Variants in SNTG2 observed in about 807,000 individuals in gnomAD.
SNTG2 encodes gamma-2-syntrophin.
A neutral mutation model predicts 70.9 loss-of-function variants in SNTG2; 74 were observed. The observed-to-expected ratio is 1.04, with a 90% CI of 0.86 to 1.27. The LOEUF is 1.27. Ranked by LOEUF, SNTG2 falls within the 50% of genes most tolerant of loss-of-function variation. The pLI, the probability that SNTG2 is intolerant of heterozygous loss-of-function variation, is 0.00. For missense variants in SNTG2, 717 were observed against 690.7 expected (o/e 1.04, Z -0.43); for synonymous variants, 278 against 273.8 (o/e 1.02, Z -0.15).
At chr2:988,639 G>A (rs1447261865) in intron 1 of SNTG2, among the ~76,000 whole-genome samples, 2 of 152,116 alleles carry the variant, frequency 1.3e-5, no homozygotes, top group African/African-American at 2.4e-5. Context: ...ATACGTGGAC[G>A]CTATAGACAC....
chr2:1,143,892 C>CCA (rs1553338047), intron 6 of SNTG2, among the ~76,000 whole-genome samples: 1 of 144,672 alleles, frequency 6.9e-6, no homozygotes, highest in African/African-American at 2.7e-5. Context: ...ACAACCCCCC[C>CCA]CCAGAAAAAG....
chr2:1,065,762 A>C (rs1413882772), intron 1 of SNTG2, among the ~76,000 whole-genome samples: 1 of 152,214 alleles, frequency 6.6e-6, no homozygotes, highest in Non-Finnish European at 1.5e-5. Context: ...GCCATATTAA[A>C]TAGATATTCT....
intron 15 of SNTG2, among the ~76,000 whole-genome samples, chr2:1,314,646 C>T (rs1681183886): frequency 6.6e-6 from 1 of 152,230 alleles, no homozygotes; most frequent in Admixed American, 6.5e-5. Flanking sequence ...GATACACATG[C>T]TTCACTTCTG....
At chr2:1,084,644 G>A (rs1408549148) in intron 2 of SNTG2, among the ~76,000 whole-genome samples, 1 of 152,178 alleles carries the variant, frequency 6.6e-6, no homozygotes, top group South Asian at 2.1e-4. Context: ...TTGAGTTGCT[G>A]TAACAAAATC....
At chr2:977,736 C>T (rs1009164538) in intron 1 of SNTG2, among the ~76,000 whole-genome samples, 10 of 152,102 alleles carry the variant, frequency 6.6e-5, no homozygotes, top group East Asian at 1.9e-4. Flanking sequence ...TAGACCTTAC[C>T]GAGATCAGGA....
At chr2:1,048,540 C>T (rs778467784) in intron 1 of SNTG2, among the ~76,000 whole-genome samples, 16 of 151,994 alleles carry the variant, frequency 1.1e-4, no homozygotes, top group South Asian at 2.1e-4. Context: ...ATATTGTATT[C>T]GCTGTGTGAG....
intron 10 of SNTG2, among the ~76,000 whole-genome samples, chr2:1,238,328 A>G (rs1676823339): frequency 6.6e-6 from 1 of 152,092 alleles, no homozygotes; most frequent in African/African-American, 2.4e-5. Context: ...AGAAATAGTT[A>G]TATGTCATAA....
At chr2:1,004,771 A>G (rs1047658731) in intron 1 of SNTG2, among the ~76,000 whole-genome samples, 4 of 152,236 alleles carry the variant, frequency 2.6e-5, no homozygotes, top group African/African-American at 9.6e-5. Flanking sequence ...ACTTTGCTAA[A>G]CATATTCTTA....
intron 6 of SNTG2, among the ~76,000 whole-genome samples, chr2:1,152,556 T>G (rs4281934): frequency 0.82 from 124,542 of 151,722 alleles, 52,704 homozygotes; most frequent in Non-Finnish European, 0.94. Flanking sequence ...ACACGTATGT[T>G]TCTAGGTGTG....
chr2:1,234,428 G>C (rs1237536190), intron 9 of SNTG2, among the ~76,000 whole-genome samples: 1 of 152,136 alleles, frequency 6.6e-6, no homozygotes, highest in African/African-American at 2.4e-5. Flanking sequence ...ATAAATTACA[G>C]ACTAATAATG....
intron 12 of SNTG2, among the ~76,000 whole-genome samples, chr2:1,255,563 A>G (rs576123945): frequency 1.2e-4 from 19 of 152,046 alleles, no homozygotes; most frequent in African/African-American, 4.3e-4. Flanking sequence ...TAAAAAGTCA[A>G]GATCTCTGAG....
At chr2:1,197,957 A>G (rs1673032271) in intron 8 of SNTG2, among the ~76,000 whole-genome samples, 1 of 152,216 alleles carries the variant, frequency 6.6e-6, no homozygotes, top group African/African-American at 2.4e-5. Context: ...CTAAAAGAAA[A>G]TCAACAGGGA....
intron 16 of SNTG2, among the ~76,000 whole-genome samples, chr2:1,362,931 A>G (rs1229563437): frequency 6.6e-6 from 1 of 152,204 alleles, no homozygotes; most frequent in Non-Finnish European, 1.5e-5. Flanking sequence ...AAGGTCACCG[A>G]TGCTGAGCAT....
intron 12 of SNTG2, among the ~76,000 whole-genome samples, chr2:1,255,222 T>C (rs1572870646): frequency 6.6e-6 from 1 of 152,198 alleles, no homozygotes; most frequent in East Asian, 1.9e-4. Context: ...AACACGCCTC[T>C]GCAGTAAGGA....
intron 16 of SNTG2, chr2:1,341,671 A>G (rs925060769): frequency 6.6e-6 from 1 of 152,156 alleles, no homozygotes; most frequent in Non-Finnish European, 1.5e-5. Context: ...AAGCTTTCTC[A>G]GTCAAATGAG....
intron 4 of SNTG2, among the ~76,000 whole-genome samples, chr2:1,109,892 A>T (rs1017264949): frequency 6.6e-6 from 1 of 152,224 alleles, no homozygotes; most frequent in Non-Finnish European, 1.5e-5. Context: ...CCCGAAAGAA[A>T]GGCAAGACGA....
chr2:1,169,230 A>G (rs558515460), intron 7 of SNTG2, among the ~76,000 whole-genome samples: 1 of 152,250 alleles, frequency 6.6e-6, no homozygotes, highest in East Asian at 1.9e-4. Flanking sequence ...TGGCTTGGAC[A>G]GGAGGAGGTG....
chr2:1,022,896 A>G (rs1011478803), intron 1 of SNTG2, among the ~76,000 whole-genome samples: 1 of 152,130 alleles, frequency 6.6e-6, no homozygotes, highest in East Asian at 1.9e-4. Flanking sequence ...AGGCCTAGGG[A>G]CTGTCGTCTG....
At chr2:1,065,124 G>A (rs761320378) in intron 1 of SNTG2, among the ~76,000 whole-genome samples, 16 of 152,174 alleles carry the variant, frequency 1.1e-4, no homozygotes, top group Admixed American at 2.0e-4. Flanking sequence ...ACACAGCCAT[G>A]TGGGATGTGG....
Sources: allele counts gnomAD v4.1 joint callset (sites outside exome capture counted in the v4.1 genomes callset), GRCh38; gene constraint gnomAD v4.1.1; transcripts MANE v1.5; gene names NCBI Gene and HGNC (gene_info 2026-07-23, HGNC 2026-07-21).